SGCZ: variants seen among roughly 807,000 people sequenced by gnomAD.
SGCZ encodes the protein zeta-sarcoglycan.
SGCZ carries 40 observed loss-of-function variants against 41.3 expected under a neutral mutation model. The ratio of observed to expected loss-of-function variants is 0.97; its 90% CI spans 0.75 to 1.26. The LOEUF (loss-of-function observed/expected upper bound fraction) is 1.26. Ranked by LOEUF, SGCZ falls within the 50% of genes most tolerant of loss-of-function variation. The pLI, the probability that SGCZ is intolerant of heterozygous loss-of-function variation, is 0.00. For synonymous variants in SGCZ, 206 were observed against 137.5 expected (o/e 1.50, Z -3.49); for missense variants, 552 against 369.8 (o/e 1.49, Z -4.04).
intron 1 of SGCZ, among the ~76,000 whole-genome samples, chr8:14,684,744 CA>C (rs1171586700): frequency 5.3e-5 from 8 of 150,864 alleles, no homozygotes; most frequent in Non-Finnish European, 1.5e-5. Context: ...GGAATCACAT[CA>C]TATATAAAAT....
At chr8:14,417,870 A>T (rs959891952) in intron 2 of SGCZ, among the ~76,000 whole-genome samples, 17 of 151,904 alleles carry the variant, frequency 1.1e-4, no homozygotes, top group Non-Finnish European at 1.9e-4. Flanking sequence ...AATTATCTCA[A>T]TAAAGTTGGG....
chr8:15,008,558 A>G, intron 1 of SGCZ, among the ~76,000 whole-genome samples: 1 of 17,282 alleles, frequency 5.8e-5, no homozygotes, highest in African/African-American at 2.6e-4. Context: ...GGAGTGAGGG[A>G]GGGAGGGAGG....
intron 3 of SGCZ, among the ~76,000 whole-genome samples, chr8:14,264,911 CGA>C (rs1274624246): frequency 1.3e-5 from 2 of 152,068 alleles, no homozygotes; most frequent in Non-Finnish European, 2.9e-5. Context: ...TGCAGTGAGC[CGA>C]GATGGCGCCA....
At chr8:14,891,459 G>T (rs1385359829) in intron 1 of SGCZ, among the ~76,000 whole-genome samples, 1 of 152,212 alleles carries the variant, frequency 6.6e-6, no homozygotes, top group Admixed American at 6.5e-5. Context: ...GCCTGAAGAT[G>T]TGACTGAATT....
chr8:14,521,728 T>C (rs925965776), intron 2 of SGCZ, among the ~76,000 whole-genome samples: 2 of 152,142 alleles, frequency 1.3e-5, no homozygotes, highest in African/African-American at 4.8e-5. Context: ...CAAACGGCTA[T>C]ATCAATTTAG....
intron 2 of SGCZ, among the ~76,000 whole-genome samples, chr8:14,526,914 CA>C (rs1424020370): frequency 1.3e-5 from 2 of 152,050 alleles, no homozygotes; most frequent in Non-Finnish European, 2.9e-5. Flanking sequence ...GGGACTTTTG[CA>C]AAGAAGATTG....
At chr8:14,232,136 C>CGT (rs1563200660) in intron 4 of SGCZ, among the ~76,000 whole-genome samples, 1 of 150,070 alleles carries the variant, frequency 6.7e-6, no homozygotes, top group African/African-American at 2.4e-5. Flanking sequence ...CTTCTTTCAT[C>CGT]ATATATATAT....
intron 1 of SGCZ, among the ~76,000 whole-genome samples, chr8:14,856,971 G>A (rs896078075): frequency 6.6e-6 from 1 of 152,168 alleles, no homozygotes; most frequent in Non-Finnish European, 1.5e-5. Flanking sequence ...CAAATCTGAA[G>A]TGGAATGGTA....
At chr8:15,147,277 C>T (rs1268635598) in intron 1 of SGCZ, among the ~76,000 whole-genome samples, 1 of 151,996 alleles carries the variant, frequency 6.6e-6, no homozygotes, top group Non-Finnish European at 1.5e-5. Context: ...AAGGACATCG[C>T]TGTTTTGTTC....
chr8:14,830,692 G>A (rs1250903001), intron 1 of SGCZ, among the ~76,000 whole-genome samples: 1 of 152,094 alleles, frequency 6.6e-6, no homozygotes, highest in African/African-American at 2.4e-5. Flanking sequence ...GCAAAGGAAT[G>A]CTGCTGATTT....
At chr8:14,614,913 A>T (rs985879908) in intron 1 of SGCZ, among the ~76,000 whole-genome samples, 11 of 152,178 alleles carry the variant, frequency 7.2e-5, no homozygotes, top group African/African-American at 2.7e-4. Context: ...TTATCACTTT[A>T]TATGTATATT....
intron 3 of SGCZ, among the ~76,000 whole-genome samples, chr8:14,315,844 A>G (rs1438801145): frequency 1.4e-5 from 2 of 139,114 alleles, no homozygotes; most frequent in African/African-American, 6.5e-5. Flanking sequence ...TAAGTAAAAT[A>G]AAAAAAAATA....
chr8:14,253,135 A>G (rs1180503408), intron 3 of SGCZ, among the ~76,000 whole-genome samples: 2 of 152,138 alleles, frequency 1.3e-5, no homozygotes, highest in African/African-American at 4.8e-5. Flanking sequence ...TGCTGTCATT[A>G]AGAATAAAAC....
At chr8:14,666,588 C>T (rs538199730) in intron 1 of SGCZ, among the ~76,000 whole-genome samples, 8 of 150,460 alleles carry the variant, frequency 5.3e-5, no homozygotes, top group Admixed American at 4.7e-4. Context: ...TAAACCAAAA[C>T]ATATTTATCA....
In SGCZ at chr8:14,416,446, A is replaced by C. The variant is rs956365111; in HGVS notation, c.235-92242T>G. On this transcript the variant is annotated intron_variant, in intron 2 of 7. Coordinates refer to ENST00000382080, the MANE Select transcript of SGCZ (RefSeq NM_139167.4). ...AAAGAACGAAAGAGTATTCAAAATT[A>C]TTTAGAGCCTACAACTGCACCCATG... 5.9e-5 allele frequency among the ~76,000 whole-genome samples: 9 copies of C among 152,058 alleles called. 1 individual carries two copies. The highest frequency in any genetic ancestry group is 2.2e-4 in the African/African-American group (9 of 41,534).
At chr8:15,234,670 T>A (rs1376405266) in intron 1 of SGCZ, among the ~76,000 whole-genome samples, 1 of 152,218 alleles carries the variant, frequency 6.6e-6, no homozygotes, top group East Asian at 1.9e-4. Context: ...AATTAGAGCT[T>A]ATCTTTAGTT....
rs1801464120 is a variant in SGCZ at position 14,309,680 on chromosome 8, C to A, written c.336+14423G>T. Reference sequence around the variant, plus strand: ...AAAATAGGTTTGTTGTTTAAGAAGACACCTTCTGAGTATTCTCACAGGAGA... The same window carrying A: ...AAAATAGGTTTGTTGTTTAAGAAGAAACCTTCTGAGTATTCTCACAGGAGA... On this transcript the variant is annotated intron_variant, in intron 3 of 7. Coordinates refer to ENST00000382080, the MANE Select transcript of SGCZ (RefSeq NM_139167.4). 6 of 1,610,030 alleles carry A rather than the reference C, an allele frequency of 3.7e-6. No homozygotes were observed. In the East Asian group the frequency reaches 1.3e-4, roughly 36 times the overall value.
chr8:14,727,973 C>G (rs1232416316), intron 1 of SGCZ, among the ~76,000 whole-genome samples: 2 of 152,076 alleles, frequency 1.3e-5, no homozygotes, highest in Non-Finnish European at 2.9e-5. Flanking sequence ...AAAAAATACT[C>G]TGAAACAAAA....
chr8:14,548,379 G>A (rs929722945), intron 2 of SGCZ, among the ~76,000 whole-genome samples: 1 of 152,078 alleles, frequency 6.6e-6, no homozygotes, highest in Non-Finnish European at 1.5e-5. Flanking sequence ...ACAGGGTCCT[G>A]TTTTATTCCC....
Sources: allele counts gnomAD v4.1 joint callset (sites outside exome capture counted in the v4.1 genomes callset), GRCh38; gene constraint gnomAD v4.1.1; transcripts MANE v1.5; gene names NCBI Gene and HGNC (gene_info 2026-07-23, HGNC 2026-07-21).